MLXIPL: variants seen among roughly 807,000 people sequenced by gnomAD.
MLXIPL encodes the protein carbohydrate-responsive element-binding protein.
MLXIPL carries 49 observed loss-of-function variants against 81.5 expected under a neutral mutation model. The ratio of observed to expected loss-of-function variants is 0.60; its 90% confidence interval spans 0.48 to 0.76. MLXIPL has a LOEUF of 0.76. MLXIPL is among the 30% of genes least tolerant of loss of function. The pLI is 0.00. For missense variants in MLXIPL, 1,053 were observed against 1,167.0 expected, an observed-to-expected ratio of 0.90 and a Z score of 1.42; for synonymous variants, 466 against 485.5, an observed-to-expected ratio of 0.96 and a Z score of 0.53.
upstream of MLXIPL, among the ~76,000 whole-genome samples, chr7:73,624,746 T>TAACA: frequency 6.6e-6 from 1 of 152,110 alleles, no homozygotes; most frequent in Admixed American, 6.6e-5. Flanking sequence ...CGCCCCTACT[T>TAACA]TGCTCCAAAG....
At chr7:73,595,610 C>G in intron 15 of MLXIPL, 27 bp downstream of exon 15, 1 of 1,614,098 alleles carries the variant, frequency 6.2e-7, no homozygotes, top group Non-Finnish European at 8.5e-7. Flanking sequence ...CCTGCAGCCC[C>G]CCAGCCATGG....
Position 73,597,404 on chromosome 7 carries a change from A to T in MLXIPL, c.1381T>A (p.Ser461Thr), listed in dbSNP as rs1448071371. ...APAAFPPTPQ[S>T]VPSPAPTPFP... ...GGGGTGGGGGCTGGGCTGGGGACAG[A>T]CTGTGGGGTGGGTGGGAAGGCTGCA... is the stretch of plus-strand genomic sequence containing the variant. Residue 461 changes from serine to threonine, a missense_variant, in exon 9 of 17, where the codon TCT becomes ACT. This residue lies in a region of MLXIPL where 823 missense variants were observed against 933.0 expected (regional missense o/e 0.88). Coordinates refer to ENST00000313375, the MANE Select transcript of MLXIPL (RefSeq NM_032951.3). 2 of 1,127,698 alleles carry T rather than the reference A, an allele frequency of 1.8e-6. No homozygotes were observed. Among genetic ancestry groups the T allele is most frequent in the African/African-American group, 4.0e-5 (2 of 49,858 alleles). The allele number at this position is 1,127,698 out of a possible 1,614,324, so 69.9% of individuals were successfully genotyped here. A position where few individuals can be genotyped will look rare whatever the true frequency, so the allele number is the denominator to read the frequency against.
chr7:73,603,346 T>TCCCTGCTGGTCTTGCCCAGA (rs1291894360), intron 7 of MLXIPL, among the ~76,000 whole-genome samples: 5 of 152,172 alleles, frequency 3.3e-5, no homozygotes, highest in Non-Finnish European at 5.9e-5. Context: ...CTAGCCCCAG[T>TCCCTGCTGGTCTTGCCCAGA]CCCTGCTGGT....
Position 73,597,690 on chromosome 7 carries a change from G to T in MLXIPL, c.1095C>A (p.Pro365=), listed in dbSNP as rs112990540. The T allele has an allele frequency of 5.7e-3, 7,801 of 1,369,792 alleles. 397 individuals carry two copies. The African/African-American group carries it at 0.1, about 18-fold the overall frequency. 84.9% of individuals were successfully genotyped at this position (1,369,792 alleles called of 1,614,324 possible). Residue 365 remains proline, a synonymous_variant, in exon 9 of 17, where the codon CCC becomes CCA. Transcript: ENST00000313375. ...AACTCAGGAAGGCGCTGGAGTCCAAGGGGCCAGGGCAGCTGTTCCGAGCCT... is the reference window on the plus strand; with the variant it reads ...AACTCAGGAAGGCGCTGGAGTCCAATGGGCCAGGGCAGCTGTTCCGAGCCT... The part of the protein sequence containing the change: ...RLQARNSCPG[P]LDSSAFLSSD...
At chr7:73,594,513 C>A (rs576436927) in intron 15 of MLXIPL, 110 bp from the exon 16 acceptor site, 1 of 1,362,948 alleles carries the variant, frequency 7.3e-7, no homozygotes. Flanking sequence ...CACTGTCTAA[C>A]GTTGAACCCC....
Position 73,593,516 on chromosome 7 carries a change from T to G in MLXIPL, c.*349A>C. 2 of 322,100 alleles carry G rather than the reference T, an allele frequency of 6.2e-6. No individual in the cohort carries two copies. The highest frequency in any genetic ancestry group is 1.2e-5 in the Non-Finnish European group (2 of 163,468). The allele number at this position is 322,100 out of a possible 1,614,324, so 20.0% of individuals were successfully genotyped here. ...TCTTTCCACCGTTGAGCCCCCGGAG[T>G]TGCCAGCCTAGGCCCCCAATGTCAC... On this transcript the variant is annotated 3_prime_UTR_variant, in exon 17 of 17. Coordinates refer to ENST00000313375, the MANE Select transcript of MLXIPL (RefSeq NM_032951.3).
chr7:73,616,716 C>T (rs377289956), intron 1 of MLXIPL, among the ~76,000 whole-genome samples: 8 of 151,738 alleles, frequency 5.3e-5, no homozygotes, highest in South Asian at 2.1e-4. Flanking sequence ...GCTGTGGTGG[C>T]GCACACCTGT....
rs1270266060 is a variant in MLXIPL at position 73,623,348 on chromosome 7, G to C, written c.293+852C>G. Among the ~76,000 whole-genome samples, 1 of 152,212 alleles carries C rather than the reference G, an allele frequency of 6.6e-6. No individual in the cohort carries two copies. Among genetic ancestry groups the C allele is most frequent in the Non-Finnish European group, 1.5e-5 (1 of 68,042 alleles). ...GGTTTTCGGTTGATAATTTATACTG[G>C]CCCCTCAACTCCGGGGAACTTTGCT... is the stretch of plus-strand genomic sequence containing the variant. On this transcript the variant is annotated intron_variant, in intron 1 of 16. Transcript: ENST00000313375. The surrounding 1 kb of genome is among the most constrained non-coding windows in gnomAD (Gnocchi z 5.7).
upstream of MLXIPL, among the ~76,000 whole-genome samples, chr7:73,628,643 G>T (rs1796789528): frequency 6.6e-6 from 1 of 152,274 alleles, no homozygotes; most frequent in Non-Finnish European, 1.5e-5. Flanking sequence ...TTAGAAGTGT[G>T]AGCCACTTGT....
At chr7:73,632,769 TC>T in the MLXIPL span, among the ~76,000 whole-genome samples, 1 of 89,690 alleles carries the variant, frequency 1.1e-5, no homozygotes, top group Middle Eastern at 6.1e-3. Context: ...CTTCCTTCCT[TC>T]CTTCCTTCCT....
Position 73,593,948 on chromosome 7 carries a change from T to C in MLXIPL, c.2476A>G (p.Thr826Ala). The C allele has an allele frequency of 6.2e-7, 1 of 1,613,848 alleles. No individual in the cohort carries two copies. Among genetic ancestry groups the C allele is most frequent in the Non-Finnish European group, 8.5e-7 (1 of 1,179,938 alleles). The change falls in exon 17 of 17, where the codon ACC becomes GCC. Residue 826 changes from threonine to alanine, a missense_variant. Around this residue, in one of 3 missense-constraint regions of MLXIPL, gnomAD observed 823 missense variants for 933.0 expected, o/e 0.88. Coordinates refer to ENST00000313375, the MANE Select transcript of MLXIPL (RefSeq NM_032951.3). Reference sequence around the variant, plus strand: ...CGGCCCGGGTCGGTCAGGATACTGGTAGATGTGCCCAGCTGGCGTAGGGAG... The same window carrying C: ...CGGCCCGGGTCGGTCAGGATACTGGCAGATGTGCCCAGCTGGCGTAGGGAG... The part of the protein sequence containing the change: ...LNSLRQLGTS[T>A]SILTDPGRIP...
At chr7:73,641,977 G>C in the MLXIPL span, among the ~76,000 whole-genome samples, 3 of 152,000 alleles carry the variant, frequency 2.0e-5, no homozygotes, top group African/African-American at 7.3e-5. Flanking sequence ...GATTTCACAA[G>C]TTATGGGCTT....
chr7:73,631,133 C>G, the MLXIPL span, among the ~76,000 whole-genome samples: 1 of 151,894 alleles, frequency 6.6e-6, no homozygotes, highest in African/African-American at 2.4e-5. Context: ...CTCAGCCTCC[C>G]GAGTAGCTAG....
intron 6 of MLXIPL, 70 bp downstream of exon 6, chr7:73,605,840 A>G: frequency 6.5e-7 from 1 of 1,550,154 alleles, no homozygotes; most frequent in East Asian, 2.4e-5. Context: ...ATCCCCAGCC[A>G]TCCCTCCCTT....
intron 1 of MLXIPL, 22 bp from the exon 2 acceptor site, chr7:73,616,199 G>C: frequency 1.3e-6 from 2 of 1,580,882 alleles, no homozygotes; most frequent in Non-Finnish European, 1.7e-6. Flanking sequence ...GAGAGGAGTA[G>C]GGTTAGGGAG....
At position 73,624,105 on chromosome 7, in the gene MLXIPL, G is replaced by T. The variant is rs1796558708; in HGVS notation, c.293+95C>A. On this transcript the variant is annotated intron_variant, in intron 1 of 16. Transcript: ENST00000313375. ...GGGAGCCGCAGGACCGGGCTCGGGT[G>T]GGGTGTTGAGGGCCCCAGCGCGCAG... The T allele has an allele frequency of 1.1e-5, 16 of 1,424,994 alleles. No homozygotes were observed. The South Asian group carries it at 2.3e-4, about 21-fold the overall frequency. 88.3% of individuals were successfully genotyped at this position (1,424,994 alleles called of 1,614,324 possible).
chr7:73,644,538 CTA>C, the MLXIPL span, among the ~76,000 whole-genome samples: 1 of 152,108 alleles, frequency 6.6e-6, no homozygotes, highest in Non-Finnish European at 1.5e-5. Context: ...ATGGCTATGA[CTA>C]TGTGATGTTA....
rs537563494 is a variant in MLXIPL, at chr7:73,599,787, C to T, written c.902-92G>A. 2.6e-4 allele frequency: 341 copies of T among 1,294,422 alleles called. 3 individuals are homozygous for T. In the South Asian group the frequency reaches 3.0e-3, roughly 11 times the overall value. The allele number at this position is 1,294,422 out of a possible 1,614,324, so 80.2% of individuals were successfully genotyped here. A position where few individuals can be genotyped will look rare whatever the true frequency, so the allele number is the denominator to read the frequency against. On this transcript the variant is annotated intron_variant, in intron 7 of 16. Coordinates refer to ENST00000313375, the MANE Select transcript of MLXIPL (RefSeq NM_032951.3). Reference sequence around the variant, plus strand: ...GAGAGTGGCCTGTCCCCAGCCTTGGCGGGTGGGGACATGGGGACTGGCGGG... The same window carrying T: ...GAGAGTGGCCTGTCCCCAGCCTTGGTGGGTGGGGACATGGGGACTGGCGGG...
the MLXIPL span, among the ~76,000 whole-genome samples, chr7:73,641,310 G>T: frequency 6.6e-6 from 1 of 152,108 alleles, no homozygotes; most frequent in Non-Finnish European, 1.5e-5. Context: ...GCTCACTGGG[G>T]ACCCATGGAT....
Sources: allele counts gnomAD v4.1 joint callset (sites outside exome capture counted in the v4.1 genomes callset), GRCh38; gene constraint gnomAD v4.1.1; regional missense constraint gnomAD v4.1.1; non-coding constraint Gnocchi (gnomAD v3.1); transcripts MANE v1.5; gene names NCBI Gene and HGNC (gene_info 2026-07-23, HGNC 2026-07-21).